The following COLQ variants were observed in gnomAD, a reference collection of about 807,000 sequenced individuals.
The protein encoded by COLQ is collagen like tail subunit of asymmetric acetylcholinesterase.
COLQ carries 48 observed loss-of-function variants against 69.0 expected under a neutral mutation model. The observed-to-expected ratio is 0.70, with a 90% CI of 0.55 to 0.88. The LOEUF is 0.88. Among genes scored for constraint, COLQ ranks in the 40% least tolerant of loss-of-function variants. The probability of loss-of-function intolerance (pLI) is 0.00; values close to 1 mark genes in which losing one functional copy is unlikely to be tolerated. For missense variants in COLQ, 618 were observed against 594.6 expected (o/e 1.04, Z -0.41); for synonymous variants, 217 against 211.2 (o/e 1.03, Z -0.24).
chr3:15,460,300 C>A (rs951272017), intron 12 of COLQ, among the ~76,000 whole-genome samples: 5 of 152,188 alleles, frequency 3.3e-5, no homozygotes, highest in African/African-American at 4.8e-5. Context: ...AAAAAGTCTT[C>A]AGAAGAGGGT....
chr3:15,482,045 G>T (rs1352128164), intron 3 of COLQ, among the ~76,000 whole-genome samples: 1 of 152,182 alleles, frequency 6.6e-6, no homozygotes, highest in Non-Finnish European at 1.5e-5. Flanking sequence ...GAATGCTTGT[G>T]ATTTTTGCAC....
At chr3:15,497,740 G>A (rs796545747) in intron 1 of COLQ, among the ~76,000 whole-genome samples, 6 of 152,264 alleles carry the variant, frequency 3.9e-5, no homozygotes, top group African/African-American at 9.6e-5. Context: ...AAGGGCACAC[G>A]CTGTATGGCA....
At chr3:15,454,268 T>C (rs191173488) in intron 15 of COLQ, among the ~76,000 whole-genome samples, 34 of 152,194 alleles carry the variant, frequency 2.2e-4, no homozygotes, top group Admixed American at 1.3e-3. Context: ...GGAGTGAGGG[T>C]TGGAAGACTG....
At position 15,453,856 on chromosome 3, in the gene COLQ, T is replaced by C. The variant is rs2061985878; in HGVS notation, c.1271A>G (p.Tyr424Cys). Reference protein sequence around the residue: ...VEDCDGSDFGYLTCETYLPGS... With the variant: ...VEDCDGSDFGCLTCETYLPGS... ...AGGGAGATAGGTCTCGCATGTCAGG[T>C]AGCCAAAGTCAGAGCCGTCACAGTC... is the stretch of plus-strand genomic sequence containing the variant. Residue 424 changes from tyrosine (Y) to cysteine (C), a missense_variant, in exon 16 of 17, where the codon TAC (tyrosine) becomes TGC (cysteine). Coordinates refer to ENST00000383788, the MANE Select transcript of COLQ (RefSeq NM_005677.4). 6.2e-7 allele frequency: 1 copy of C among 1,611,582 alleles called. No homozygotes were observed. The highest frequency in any genetic ancestry group is 1.3e-5 in the African/African-American group (1 of 74,734).
rs963530229 is a variant in COLQ, at chr3:15,519,849, T to C, written c.106+1671A>G. Among the ~76,000 whole-genome samples the C allele has an allele frequency of 6.6e-5, 10 of 152,356 alleles. 1 individual carries two copies. Among genetic ancestry groups the C allele is most frequent in the African/African-American group, 2.4e-5 (1 of 41,592 alleles). On this transcript the variant is annotated intron_variant, in intron 1 of 16. Transcript: ENST00000383788. ...ATTTAAATTAAGTAATACAAAATGA[T>C]GGTAAACCCCAGTTTGCAGATGAGA...
intron 1 of COLQ, among the ~76,000 whole-genome samples, chr3:15,513,674 T>A (rs963701312): frequency 6.6e-6 from 1 of 152,198 alleles, no homozygotes; most frequent in African/African-American, 2.4e-5. Context: ...CAAATCCTTG[T>A]CTCAGGCTCC....
At chr3:15,472,157 T>C (rs916265533) in intron 10 of COLQ, among the ~76,000 whole-genome samples, 2 of 152,180 alleles carry the variant, frequency 1.3e-5, no homozygotes, top group African/African-American at 4.8e-5. Flanking sequence ...GTCTAGTAAA[T>C]GGTGCAGAGG....
At chr3:15,466,520 C>T in intron 11 of COLQ, 83 bp from the exon 12 acceptor site, 2 of 1,220,380 alleles carry the variant, frequency 1.6e-6, no homozygotes, top group South Asian at 1.3e-5. Flanking sequence ...TCAGAGATCA[C>T]CTTGCACTTA....
chr3:15,492,963 A>C (rs1229875941), intron 1 of COLQ, among the ~76,000 whole-genome samples: 1 of 152,216 alleles, frequency 6.6e-6, no homozygotes, highest in African/African-American at 2.4e-5. Context: ...CATAGAACCC[A>C]GCACTCAACG....
At chr3:15,515,852 CGAGGTTATTTGGT>C (rs2063054094) in intron 1 of COLQ, among the ~76,000 whole-genome samples, 1 of 152,132 alleles carries the variant, frequency 6.6e-6, no homozygotes, top group Non-Finnish European at 1.5e-5. Flanking sequence ...AAATGGGACA[CGAGGTTATTTGGT>C]GTCTCATCGA....
chr3:15,468,321 GTTTTTTTTTTTTTTT>G (rs540716062), intron 11 of COLQ, among the ~76,000 whole-genome samples: 6 of 71,258 alleles, frequency 8.4e-5, no homozygotes, highest in Admixed American at 2.0e-4. Flanking sequence ...AGTTACTGAA[GTTTTTTTTTTTTTTT>G]TTTTTTTTTT....
chr3:15,452,068 ATT>A (rs10589288), intron 16 of COLQ, among the ~76,000 whole-genome samples: 66,206 of 142,870 alleles, frequency 0.46, 14,909 homozygotes, highest in East Asian at 0.59. Flanking sequence ...GAATAACTGC[ATT>A]TTTTTTTTTT....
rs76909367 is a variant in COLQ at position 15,511,244 on chromosome 3, C to T, written c.106+10276G>A. 3.5e-4 allele frequency among the ~76,000 whole-genome samples: 54 copies of T among 152,294 alleles called. No homozygotes were observed. In the East Asian group the frequency reaches 9.1e-3, roughly 26 times the overall value. On this transcript the variant is annotated intron_variant, in intron 1 of 16. Coordinates refer to ENST00000383788, the MANE Select transcript of COLQ (RefSeq NM_005677.4). ...ATTTTACCTGAACTCCTAAGGACTG[C>T]GCTGCAAGTCTGTCTAAAAACACAA...
chr3:15,462,748 G>T (rs1186683628), intron 12 of COLQ, among the ~76,000 whole-genome samples: 1 of 152,244 alleles, frequency 6.6e-6, no homozygotes, highest in Non-Finnish European at 1.5e-5. Context: ...GGGCTCAGGG[G>T]AGGGTGATCC....
rs142756753 is a variant in COLQ at position 15,484,605 on chromosome 3, T to C, written c.321+3601A>G. Among the ~76,000 whole-genome samples the C allele has an allele frequency of 6.4e-4, 97 of 152,332 alleles. No homozygotes were observed. In the South Asian group the frequency reaches 0.013, roughly 20 times the overall value. The stretch of plus-strand genomic sequence containing the variant: ...CATAGTCCCATATTTCTTGGAGGCT[T>C]TGTTCATTTCTTCTTACTCTTTTTT... On this transcript the variant is annotated intron_variant, in intron 3 of 16. Coordinates refer to ENST00000383788, the MANE Select transcript of COLQ (RefSeq NM_005677.4).
At chr3:15,455,795 T>G (rs1396528943) in intron 15 of COLQ, 104 bp downstream of exon 15, 1 of 1,501,250 alleles carries the variant, frequency 6.7e-7, no homozygotes, top group Admixed American at 1.8e-5. Flanking sequence ...CTTCTCTGGC[T>G]CTAGAAAGGT....
rs141141378 is a variant in COLQ at position 15,462,089 on chromosome 3, C to T, written c.815-3764G>A. Among the ~76,000 whole-genome samples the T allele has an allele frequency of 1.5e-3, 232 of 152,090 alleles. 2 individuals carry two copies. Among genetic ancestry groups the T allele is most frequent in the Non-Finnish European group, 2.8e-3 (192 of 67,988 alleles). On this transcript the variant is annotated intron_variant, in intron 12 of 16. Coordinates refer to ENST00000383788, the MANE Select transcript of COLQ (RefSeq NM_005677.4). ...TGTCGCCCAGGCGGGAGTGCAGTAG[C>T]GAGATCTCGGCTCACTGTAACCTCC...
intron 3 of COLQ, among the ~76,000 whole-genome samples, chr3:15,482,646 A>T (rs1443968817): frequency 1.3e-5 from 2 of 152,198 alleles, no homozygotes; most frequent in South Asian, 2.1e-4. Context: ...ATCAATGTTC[A>T]TCAGGGATAT....
At chr3:15,518,885 A>G (rs1188546349) in intron 1 of COLQ, among the ~76,000 whole-genome samples, 2 of 152,216 alleles carry the variant, frequency 1.3e-5, no homozygotes, top group African/African-American at 2.4e-5. Context: ...GTTATAATGC[A>G]TAGAATGAAA....
Sources: gnomAD v4.1 joint callset for allele counts (sites outside exome capture counted in the v4.1 genomes callset) on GRCh38, gnomAD v4.1.1 for gene constraint, MANE v1.5 for transcripts, NCBI Gene and HGNC (gene_info 2026-07-23, HGNC 2026-07-21) for gene names.